MSRA: variants seen among roughly 807,000 people sequenced by gnomAD.
MSRA encodes the protein mitochondrial peptide methionine sulfoxide reductase.
Under a neutral mutation model 31.3 loss-of-function variants are expected in MSRA, and 54 were observed. The observed-to-expected ratio is 1.73, with a 90% CI of 1.39 to 2.17. The LOEUF (loss-of-function observed/expected upper bound fraction) is 2.17, where lower values mean the gene tolerates loss of function less well. Ranked by LOEUF, MSRA falls within the 30% of genes most tolerant of loss-of-function variation. The probability of loss-of-function intolerance (pLI) is 0.00; values close to 1 mark genes in which losing one functional copy is unlikely to be tolerated. For missense variants in MSRA, 507 were observed against 300.9 expected (o/e 1.69, Z -5.07); for synonymous variants, 169 against 116.5 (o/e 1.45, Z -2.90).
intron 4 of MSRA, among the ~76,000 whole-genome samples, chr8:10,310,315 A>G (rs1179189055): frequency 6.6e-6 from 1 of 152,258 alleles, no homozygotes; most frequent in Non-Finnish European, 1.5e-5. Context: ...TAAGAATTTC[A>G]GAAACAGAGA....
intron 1 of MSRA, among the ~76,000 whole-genome samples, chr8:10,092,529 A>T (rs1208533093): frequency 6.6e-6 from 1 of 152,128 alleles, no homozygotes; most frequent in Non-Finnish European, 1.5e-5. Flanking sequence ...ATGGTGGCGC[A>T]CGCCTTTAGT....
intron 5 of MSRA, among the ~76,000 whole-genome samples, chr8:10,328,027 ATTTTTTT>A (rs35940076): frequency 3.1e-5 from 2 of 65,310 alleles, no homozygotes; most frequent in Non-Finnish European, 5.3e-5. Flanking sequence ...CTCTATGGTA[ATTTTTTT>A]TTTTTTTTTT....
At chr8:10,219,792 C>G (rs1027539984) in intron 2 of MSRA, among the ~76,000 whole-genome samples, 7 of 100,706 alleles carry the variant, frequency 7.0e-5, no homozygotes, top group African/African-American at 2.8e-4. Flanking sequence ...GACGACAGAT[C>G]GAGACTCTGT....
intron 5 of MSRA, among the ~76,000 whole-genome samples, chr8:10,375,879 A>C (rs899517388): frequency 1.3e-5 from 2 of 152,236 alleles, no homozygotes; most frequent in Admixed American, 6.5e-5. Flanking sequence ...ACTTCTTTGC[A>C]CTGGACTGGA....
intron 3 of MSRA, among the ~76,000 whole-genome samples, chr8:10,263,213 C>G (rs1299034396): frequency 6.6e-6 from 1 of 152,214 alleles, no homozygotes; most frequent in Non-Finnish European, 1.5e-5. Context: ...CTGTCACCCC[C>G]AAACGAAGTT....
intron 5 of MSRA, among the ~76,000 whole-genome samples, chr8:10,425,796 C>T (rs1245747320): frequency 1.3e-5 from 2 of 152,254 alleles, no homozygotes; most frequent in Non-Finnish European, 2.9e-5. Context: ...CTGTGAATCC[C>T]ACTGGCGTTG....
intron 5 of MSRA, among the ~76,000 whole-genome samples, chr8:10,425,849 G>T (rs1008411650): frequency 6.6e-6 from 1 of 152,210 alleles, no homozygotes; most frequent in Non-Finnish European, 1.5e-5. Context: ...TTTGCTATTT[G>T]GATACAGCTG....
chr8:10,331,801 T>C (rs1802717698), intron 5 of MSRA, among the ~76,000 whole-genome samples: 1 of 152,248 alleles, frequency 6.6e-6, no homozygotes, highest in Non-Finnish European at 1.5e-5. Context: ...CTAGATTACT[T>C]ATACCTAATA....
At chr8:10,122,487 G>C (rs549146122) in intron 1 of MSRA, among the ~76,000 whole-genome samples, 1 of 151,650 alleles carries the variant, frequency 6.6e-6, no homozygotes, top group Non-Finnish European at 1.5e-5. Flanking sequence ...AATGTAAGTG[G>C]ATCCAGAGTA....
At chr8:10,132,218 C>T (rs1206230254) in intron 1 of MSRA, among the ~76,000 whole-genome samples, 2 of 152,188 alleles carry the variant, frequency 1.3e-5, no homozygotes, top group Non-Finnish European at 2.9e-5. Flanking sequence ...GAAGTTAATT[C>T]TCCCCTTTCA....
intron 5 of MSRA, among the ~76,000 whole-genome samples, chr8:10,401,681 G>T (rs893305119): frequency 1.1e-5 from 1 of 94,974 alleles, no homozygotes; most frequent in Non-Finnish European, 2.3e-5. Flanking sequence ...AGATGAATGG[G>T]TAAAAAAAAA....
intron 1 of MSRA, among the ~76,000 whole-genome samples, chr8:10,195,273 C>G (rs1455436681): frequency 1.3e-5 from 2 of 152,210 alleles, no homozygotes; most frequent in Non-Finnish European, 2.9e-5. Flanking sequence ...TTGAGTCTCA[C>G]TCTGTCGCCC....
At chr8:10,128,060 C>A (rs1325018377) in intron 1 of MSRA, among the ~76,000 whole-genome samples, 1 of 151,998 alleles carries the variant, frequency 6.6e-6, no homozygotes, top group African/African-American at 2.4e-5. Flanking sequence ...GTGTCTCCTT[C>A]TATTTTTCAA....
intron 2 of MSRA, 75 bp downstream of exon 2, chr8:10,207,976 G>A: frequency 1.7e-6 from 2 of 1,208,618 alleles, no homozygotes; most frequent in Non-Finnish European, 1.2e-6. Flanking sequence ...TTTAGCAAGT[G>A]TTCTCAGGGC....
At chr8:10,416,130 A>T (rs2129191719) in intron 5 of MSRA, among the ~76,000 whole-genome samples, 1 of 152,174 alleles carries the variant, frequency 6.6e-6, no homozygotes, top group South Asian at 2.1e-4. Flanking sequence ...CACGCTGGGC[A>T]CTGCAGACAC....
intron 1 of MSRA, among the ~76,000 whole-genome samples, chr8:10,201,099 C>G (rs140402769): frequency 6.6e-6 from 1 of 152,110 alleles, no homozygotes; most frequent in Non-Finnish European, 1.5e-5. Flanking sequence ...AGAAGAGGGA[C>G]TGTGAGACCA....
chr8:10,401,574 C>A (rs564534501), intron 5 of MSRA, among the ~76,000 whole-genome samples: 1 of 152,052 alleles, frequency 6.6e-6, no homozygotes, highest in East Asian at 1.9e-4. Context: ...ATATATCCAG[C>A]GGAATTGAAA....
At chr8:10,395,797 C>T (rs1187126978) in intron 5 of MSRA, among the ~76,000 whole-genome samples, 2 of 152,204 alleles carry the variant, frequency 1.3e-5, no homozygotes, top group Admixed American at 6.5e-5. Flanking sequence ...CTCAAAGCTA[C>T]AGATGTCCCA....
chr8:10,071,957 G>T (rs1797754364), intron 1 of MSRA, among the ~76,000 whole-genome samples: 1 of 152,106 alleles, frequency 6.6e-6, no homozygotes, highest in Non-Finnish European at 1.5e-5. Context: ...AGTGCGTATG[G>T]GTCCCCTGTG....
Sources: gnomAD v4.1 joint callset for allele counts (sites outside exome capture counted in the v4.1 genomes callset) on GRCh38, gnomAD v4.1.1 for gene constraint, MANE v1.5 for transcripts, NCBI Gene and HGNC (gene_info 2026-07-23, HGNC 2026-07-21) for gene names.